ADCY5: variants seen among roughly 807,000 people sequenced by gnomAD.
ADCY5 encodes the protein adenylate cyclase type 5.
A neutral mutation model predicts 119.7 loss-of-function variants in ADCY5; 30 were observed. The observed-to-expected ratio is 0.25, with a 90% CI of 0.19 to 0.34. The LOEUF (loss-of-function observed/expected upper bound fraction) is 0.34. Among genes scored for constraint, ADCY5 ranks in the 10% least tolerant of loss-of-function variants. The pLI is 1.00. For synonymous variants in ADCY5, 753 were observed against 762.2 expected (o/e 0.99, Z 0.20); for missense variants, 1,324 against 1,775.2 (o/e 0.75, Z 4.57).
At chr3:123,438,372 C>T (rs1479235342) in intron 1 of ADCY5, among the ~76,000 whole-genome samples, 2 of 152,162 alleles carry the variant, frequency 1.3e-5, no homozygotes, top group Admixed American at 6.5e-5. Flanking sequence ...GTAAAATAGT[C>T]CCCCTCTAAC....
At position 123,388,795 on chromosome 3, in the gene ADCY5, C is replaced by T. The variant is rs559424805; in HGVS notation, c.1135-36214G>A. On this transcript the variant is annotated intron_variant, in intron 1 of 20. Coordinates refer to ENST00000462833, the MANE Select transcript of ADCY5 (RefSeq NM_183357.3). ...GGCAGCCAGGGGCCCCCAATATGAGCGGCAAGGGCTGCTTTCACCATGAGG... is the reference window on the plus strand; with the variant it reads ...GGCAGCCAGGGGCCCCCAATATGAGTGGCAAGGGCTGCTTTCACCATGAGG... Among the ~76,000 whole-genome samples, 3 of 152,268 alleles carry T rather than the reference C, an allele frequency of 2.0e-5. No individual in the cohort carries two copies. The East Asian group carries it at 5.8e-4, about 29-fold the overall frequency.
chr3:123,353,412 C>A (rs986787486), intron 1 of ADCY5, among the ~76,000 whole-genome samples: 6 of 152,208 alleles, frequency 3.9e-5, no homozygotes, highest in Non-Finnish European at 8.8e-5. Context: ...GGCAAAATTT[C>A]TCTTGGCAGG....
chr3:123,436,891 C>T (rs1435154706), intron 1 of ADCY5, among the ~76,000 whole-genome samples: 11 of 152,208 alleles, frequency 7.2e-5, no homozygotes, highest in Admixed American at 2.0e-4. Context: ...TATGCATTTT[C>T]GTCCTTAGTA....
rs376265627 is a variant in ADCY5, at chr3:123,289,985, C to T, written c.3328-31G>A. On this transcript the variant is annotated intron_variant, in intron 18 of 20. Transcript: ENST00000462833. ...TGAAGGAGGCCAAACCTGGGTCACC[C>T]CAAGCCTGGGACACCGAGGGCCACA... 7.5e-6 allele frequency: 12 copies of T among 1,610,328 alleles called. No individual in the cohort carries two copies. In the African/African-American group the frequency reaches 1.3e-4, roughly 18 times the overall value.
chr3:123,438,629 A>G (rs1945667897), intron 1 of ADCY5, among the ~76,000 whole-genome samples: 1 of 152,176 alleles, frequency 6.6e-6, no homozygotes, highest in Non-Finnish European at 1.5e-5. Flanking sequence ...ATCAACTGTC[A>G]CAGTACTGCA....
At chr3:123,404,738 T>C (rs765661979) in intron 1 of ADCY5, among the ~76,000 whole-genome samples, 38 of 152,192 alleles carry the variant, frequency 2.5e-4, no homozygotes, top group Non-Finnish European at 4.9e-4. Context: ...TCGAGAATTT[T>C]TGGATTAGGT....
intron 14 of ADCY5, among the ~76,000 whole-genome samples, chr3:123,302,846 T>C (rs1939923643): frequency 6.6e-6 from 1 of 152,216 alleles, no homozygotes; most frequent in African/African-American, 2.4e-5. Flanking sequence ...TACACCGCTT[T>C]AACAGTCATT....
At chr3:123,295,014 G>A (rs1443006285) in intron 17 of ADCY5, among the ~76,000 whole-genome samples, 1 of 152,162 alleles carries the variant, frequency 6.6e-6, no homozygotes, top group Non-Finnish European at 1.5e-5. Context: ...GGCTTCACAA[G>A]GGGCATTCTG....
chr3:123,388,704 CAAAG>C (rs1306972348), intron 1 of ADCY5, among the ~76,000 whole-genome samples: 2 of 152,086 alleles, frequency 1.3e-5, no homozygotes, highest in Non-Finnish European at 2.9e-5. Flanking sequence ...TGGGAACAGC[CAAAG>C]AAAGACAAGA....
At chr3:123,303,617 G>C (rs548808230) in intron 13 of ADCY5, among the ~76,000 whole-genome samples, 29 of 152,224 alleles carry the variant, frequency 1.9e-4, no homozygotes, top group African/African-American at 7.0e-4. Flanking sequence ...TTTGAGACCA[G>C]CCTGGCGACC....
Position 123,427,168 on chromosome 3 carries a change from C to T in ADCY5, c.1134+20244G>A, listed in dbSNP as rs558425064. On this transcript the variant is annotated intron_variant, in intron 1 of 20. Coordinates refer to ENST00000462833, the MANE Select transcript of ADCY5 (RefSeq NM_183357.3). ...TCCAGCTCCCTCAGTGGGCCTCCTC[C>T]AGCCTCCCTGGACAAGGGCAGCAGC... Among the ~76,000 whole-genome samples the T allele has an allele frequency of 2.6e-5, 4 of 152,284 alleles. No homozygotes were observed. In the East Asian group the frequency reaches 5.8e-4, roughly 22 times the overall value.
Position 123,303,465 on chromosome 3 carries a change from TA to T in ADCY5, c.2560-247del, listed in dbSNP as rs139309270. ...TTAAACATGCCTTGGGGACATTCCC[TA>T]AACTCTTCCTGGCCCCACCAGGCTT... On this transcript the variant is annotated intron_variant, in intron 13 of 20. Transcript: ENST00000462833. Among the ~76,000 whole-genome samples the T allele has an allele frequency of 0.16, 24,491 of 152,108 alleles. 2,267 individuals carry two copies. Among genetic ancestry groups the T allele is most frequent in the Middle Eastern group, 0.29 (84 of 294 alleles).
chr3:123,380,119 C>T (rs1331974611), intron 1 of ADCY5, among the ~76,000 whole-genome samples: 5 of 152,176 alleles, frequency 3.3e-5, no homozygotes, highest in Admixed American at 3.3e-4. Flanking sequence ...AATGTCCCTC[C>T]CCAGTCTTCT....
At chr3:123,346,595 G>A (rs1942563338) in intron 3 of ADCY5, among the ~76,000 whole-genome samples, 1 of 104,902 alleles carries the variant, frequency 9.5e-6, no homozygotes, top group African/African-American at 2.8e-5. Context: ...CCCTACTGCT[G>A]TCAGCCTCAC....
At chr3:123,442,000 G>C (rs1382728438) in intron 1 of ADCY5, among the ~76,000 whole-genome samples, 1 of 145,510 alleles carries the variant, frequency 6.9e-6, no homozygotes, top group Non-Finnish European at 1.5e-5. Flanking sequence ...AAAAAAAGCA[G>C]GGCTTTCCAA....
chr3:123,368,462 C>T lies in ADCY5; in HGVS notation c.1135-15881G>A, dbSNP rs577887290. 5.9e-5 allele frequency among the ~76,000 whole-genome samples: 9 copies of T among 152,220 alleles called. No homozygotes were observed. In the South Asian group the frequency reaches 6.2e-4, roughly 11 times the overall value. Reference sequence around the variant, plus strand: ...AATACAAAAAATTAGCTGGGCATGGCGGTGCGCACCTGTAATCCCAGCTAC... The same window carrying T: ...AATACAAAAAATTAGCTGGGCATGGTGGTGCGCACCTGTAATCCCAGCTAC... On this transcript the variant is annotated intron_variant, in intron 1 of 20. Coordinates refer to ENST00000462833, the MANE Select transcript of ADCY5 (RefSeq NM_183357.3).
At chr3:123,319,353 C>CAAAAAAAAAAAAAAAAAAAAA (rs34573753) in intron 10 of ADCY5, among the ~76,000 whole-genome samples, 3 of 118,444 alleles carry the variant, frequency 2.5e-5, no homozygotes, top group African/African-American at 9.6e-5. Context: ...AACTCCGTCT[C>CAAAAAAAAAAAAAAAAAAAAA]AAAAAAAAAA....
intron 3 of ADCY5, among the ~76,000 whole-genome samples, chr3:123,339,120 C>T (rs77902685): frequency 0.044 from 6,759 of 152,180 alleles, 194 homozygotes; most frequent in Non-Finnish European, 0.075. Flanking sequence ...CTGAAGGTGC[C>T]GGGGAAGTAC....
At chr3:123,407,294 C>T (rs1451263369) in intron 1 of ADCY5, among the ~76,000 whole-genome samples, 1 of 152,144 alleles carries the variant, frequency 6.6e-6, no homozygotes, top group Non-Finnish European at 1.5e-5. Flanking sequence ...CTTAAACATG[C>T]ATCACACTTC....
Sources: allele counts gnomAD v4.1 joint callset (sites outside exome capture counted in the v4.1 genomes callset), GRCh38; gene constraint gnomAD v4.1.1; transcripts MANE v1.5; gene names NCBI Gene and HGNC (gene_info 2026-07-23, HGNC 2026-07-21).